The following CYP26B1 variants were observed in gnomAD, a reference collection of about 807,000 sequenced individuals.
CYP26B1 encodes the protein cytochrome P450 26B1.
CYP26B1 carries 8 observed loss-of-function variants against 39.1 expected under a neutral mutation model. The observed-to-expected ratio is 0.20, with a 90% CI of 0.12 to 0.37. The LOEUF (loss-of-function observed/expected upper bound fraction) is 0.37. Ranked by LOEUF, CYP26B1 falls within the 10% of genes least tolerant of loss-of-function variation. CYP26B1 has a pLI of 1.00. For synonymous variants in CYP26B1, 321 were observed against 314.3 expected, an observed-to-expected ratio of 1.02 and a Z score of -0.23; for missense variants, 615 against 707.0, an observed-to-expected ratio of 0.87 and a Z score of 1.48.
At chr2:72,144,855 G>C (rs1007492555) in intron 1 of CYP26B1, among the ~76,000 whole-genome samples, 2 of 152,326 alleles carry the variant, frequency 1.3e-5, no homozygotes, top group Admixed American at 6.5e-5. Flanking sequence ...TGGAACCCGA[G>C]CGCGGGGCGG....
chr2:72,144,403 TAATA>T, intron 1 of CYP26B1, 190 bp from the exon 2 acceptor site: 1 of 1,396,898 alleles, frequency 7.2e-7, no homozygotes, highest in East Asian at 2.6e-5. Context: ...GCCTAGAGGA[TAATA>T]AATAATGCAA....
At position 72,147,735 on chromosome 2, in the gene CYP26B1, G is replaced by C. The variant is rs1677161485; in HGVS notation, c.100C>G (p.Gln34Glu). 1 of 1,593,346 alleles carries C rather than the reference G, an allele frequency of 6.3e-7. No individual in the cohort carries two copies. Among genetic ancestry groups the C allele is most frequent in the African/African-American group, 1.3e-5 (1 of 74,186 alleles). Residue 34 changes from glutamine to glutamate, a missense_variant, in exon 1 of 6, where the codon CAG becomes GAG. Coordinates refer to ENST00000001146, the MANE Select transcript of CYP26B1 (RefSeq NM_019885.4). This position sits in a 1 kb window ranked among gnomAD's most constrained non-coding sequence, Gnocchi z 6.1. ...TCGCGAGTGGCGGCCCAGCGCAGCT[G>C]CCACAGCTGCTGCGACACGGCCAGC... ...LLLAVSQQLW[Q>E]LRWAATRDKS...
rs753520747 is a variant in CYP26B1, at chr2:72,132,145, G to A, written c.*82C>T. ...GGGGGCCACTCGCCCTCCCCGTTCC[G>A]GCCCCCTCCCACACACAGGTTTCTA... On this transcript the variant is annotated 3_prime_UTR_variant, in exon 6 of 6. Transcript: ENST00000001146. 35 of 1,487,776 alleles carry A rather than the reference G, an allele frequency of 2.4e-5. No individual in the cohort carries two copies. Among genetic ancestry groups the A allele is most frequent in the East Asian group, 4.9e-5 (2 of 40,784 alleles). The allele number at this position is 1,487,776 out of a possible 1,614,324, so 92.2% of individuals were successfully genotyped here.
intron 2 of CYP26B1, among the ~76,000 whole-genome samples, chr2:72,140,852 A>C (rs946214392): frequency 6.6e-6 from 1 of 152,178 alleles, no homozygotes; most frequent in African/African-American, 2.4e-5. Context: ...AGAAGGGGCA[A>C]GACTACCATT....
chr2:72,132,026 A>C lies in CYP26B1; in HGVS notation c.*201T>G. On this transcript the variant is annotated 3_prime_UTR_variant, in exon 6 of 6. Coordinates refer to ENST00000001146, the MANE Select transcript of CYP26B1 (RefSeq NM_019885.4). Reference sequence around the variant, plus strand: ...GGTAAATGGGGAGTGGCTGGAGGGAAGCTGGAGCCAGAAGGGGAGCCCAGC... The same window carrying C: ...GGTAAATGGGGAGTGGCTGGAGGGACGCTGGAGCCAGAAGGGGAGCCCAGC... 4.8e-6 allele frequency: 3 copies of C among 618,602 alleles called. No homozygotes were observed. Among genetic ancestry groups the C allele is most frequent in the Non-Finnish European group, 8.4e-6 (3 of 355,262 alleles). The allele number at this position is 618,602 out of a possible 1,614,324, so 38.3% of individuals were successfully genotyped here. A position where few individuals can be genotyped will look rare whatever the true frequency, so the allele number is the denominator to read the frequency against.
intron 2 of CYP26B1, among the ~76,000 whole-genome samples, chr2:72,140,973 G>A (rs73942521): frequency 0.02 from 2,988 of 152,274 alleles, 107 homozygotes; most frequent in African/African-American, 0.068. Context: ...TGGCCTCTTG[G>A]TGCACTGAGG....
At position 72,144,003 on chromosome 2, in the gene CYP26B1, G is replaced by A. The variant is rs1677040077; in HGVS notation, c.415C>T (p.Arg139Cys). The A allele has an allele frequency of 1.2e-6, 2 of 1,613,580 alleles. No homozygotes were observed. The highest frequency in any genetic ancestry group is 4.5e-5 in the East Asian group (2 of 44,886). Residue 139 changes from arginine (R) to cysteine (C), a missense_variant, in exon 2 of 6, where the codon CGC becomes TGC. By Grantham distance (180) the Arg-to-Cys change is radical. Transcript: ENST00000001146. Reference protein sequence around the residue: ...TVSNSIGDIHRNKRKVFSKIF... With the variant: ...TVSNSIGDIHCNKRKVFSKIF... ...AGAGTTCTTACCTTGCGCTTGTTGC[G>A]GTGGATGTCGCCAATGGAATTGGAC...
intron 1 of CYP26B1, among the ~76,000 whole-genome samples, chr2:72,145,110 G>A (rs1287978801): frequency 6.6e-6 from 1 of 152,150 alleles, no homozygotes; most frequent in Non-Finnish European, 1.5e-5. Context: ...AGCACCCGGC[G>A]CAAAGGGGAG....
Position 72,144,230 on chromosome 2 carries a change from C to T in CYP26B1, c.205-17G>A, listed in dbSNP as rs372196162. ...GCCAGAACCCTGCGGGAGCCACACC[C>T]GGGTCTCTCTCAGGGTGCACTTCTG... On this transcript the variant is annotated splice_polypyrimidine_tract_variant and intron_variant, in intron 1 of 5. Coordinates refer to ENST00000001146, the MANE Select transcript of CYP26B1 (RefSeq NM_019885.4). 1.7e-5 allele frequency: 27 copies of T among 1,576,480 alleles called. No homozygotes were observed. The highest frequency in any genetic ancestry group is 2.7e-5 in the African/African-American group (2 of 74,468).
In CYP26B1 at chr2:72,129,793, ATAAG is replaced by A. The variant is rs960034631; in HGVS notation, c.*2430_*2433del. The A allele has an allele frequency of 1.3e-5, 2 of 152,378 alleles. No homozygotes were observed. The highest frequency in any genetic ancestry group is 2.1e-4 in the South Asian group (1 of 4,832). 9.4% of individuals were successfully genotyped at this position (152,378 alleles called of 1,614,324 possible). ...GGTCAAGTTGCAATAGTTAGGGATGATAAGTAAGAAACATCACCCATCTAATGCT... is the reference window on the plus strand; with the variant it reads ...GGTCAAGTTGCAATAGTTAGGGATGATAAGAAACATCACCCATCTAATGCT... On this transcript the variant is annotated 3_prime_UTR_variant, in exon 6 of 6. Coordinates refer to ENST00000001146, the MANE Select transcript of CYP26B1 (RefSeq NM_019885.4).
chr2:72,136,341 C>T (rs950112540), intron 2 of CYP26B1, among the ~76,000 whole-genome samples: 11 of 152,196 alleles, frequency 7.2e-5, no homozygotes, highest in African/African-American at 2.7e-4. Flanking sequence ...CCCTCCCCTA[C>T]TGCCCCCCCA....
chr2:72,137,403 G>C (rs374682499), intron 2 of CYP26B1, among the ~76,000 whole-genome samples: 1 of 152,212 alleles, frequency 6.6e-6, no homozygotes, highest in East Asian at 1.9e-4. Flanking sequence ...AATCCACTGA[G>C]CACCTAAACA....
At position 72,134,875 on chromosome 2, in the gene CYP26B1, C is replaced by T; in HGVS notation, c.747G>A (p.Lys249=). ...TGCACTGCAGCTTCTCCCGGATGGC[C>T]TTCTCCAGCCCCTTCTGCAGGATCT... ...ARQILQKGLE[K]AIREKLQCTQ... The change falls in exon 4 of 6, where the codon AAG becomes AAA. Residue 249 remains lysine (K), a synonymous_variant. Coordinates refer to ENST00000001146, the MANE Select transcript of CYP26B1 (RefSeq NM_019885.4). 4 of 1,614,176 alleles carry T rather than the reference C, an allele frequency of 2.5e-6. No homozygotes were observed. Among genetic ancestry groups the T allele is most frequent in the Non-Finnish European group, 3.4e-6 (4 of 1,180,038 alleles).
intron 2 of CYP26B1, among the ~76,000 whole-genome samples, chr2:72,137,099 T>C (rs919424840): frequency 6.6e-6 from 1 of 152,124 alleles, no homozygotes; most frequent in African/African-American, 2.4e-5. Context: ...CAGGACCTAC[T>C]AGGGGTTCTG....
chr2:72,136,777 G>A (rs936656060), intron 2 of CYP26B1, among the ~76,000 whole-genome samples: 1 of 152,214 alleles, frequency 6.6e-6, no homozygotes, highest in Non-Finnish European at 1.5e-5. Context: ...GGCAATGCTT[G>A]TTTGCTTCAA....
rs1438917106 is a variant in CYP26B1 at position 72,147,064 on chromosome 2, T to A, written c.204+567A>T. Among the ~76,000 whole-genome samples the A allele has an allele frequency of 6.6e-6, 1 of 152,136 alleles. No homozygotes were observed. The highest frequency in any genetic ancestry group is 1.5e-5 in the Non-Finnish European group (1 of 68,022). The stretch of plus-strand genomic sequence containing the variant: ...TTTCCTTGGGTTACCTTCTTCCTCT[T>A]CCACCACAAAACAGACACACTCGCG... On this transcript the variant is annotated intron_variant, in intron 1 of 5. Coordinates refer to ENST00000001146, the MANE Select transcript of CYP26B1 (RefSeq NM_019885.4). This position sits in a 1 kb window ranked among gnomAD's most constrained non-coding sequence, Gnocchi z 6.1.
At position 72,131,977 on chromosome 2, in the gene CYP26B1, G is replaced by A. The variant is rs1254875090; in HGVS notation, c.*250C>T. ...CACGGGCATGCAGAGCCCCTGCCACGCCCTTCCCAGGGGCTGAGCTGATGG... is the reference window on the plus strand; with the variant it reads ...CACGGGCATGCAGAGCCCCTGCCACACCCTTCCCAGGGGCTGAGCTGATGG... On this transcript the variant is annotated 3_prime_UTR_variant, in exon 6 of 6. Coordinates refer to ENST00000001146, the MANE Select transcript of CYP26B1 (RefSeq NM_019885.4). 1.4e-5 allele frequency: 8 copies of A among 572,652 alleles called. No homozygotes were observed. The highest frequency in any genetic ancestry group is 3.7e-5 in the African/African-American group (2 of 53,382). The allele number at this position is 572,652 out of a possible 1,614,324, so 35.5% of individuals were successfully genotyped here. A position where few individuals can be genotyped will look rare whatever the true frequency, so the allele number is the denominator to read the frequency against.
rs774836618 is a variant in CYP26B1 at position 72,132,360 on chromosome 2, C to T, written c.1406G>A (p.Arg469Gln). Reference protein sequence around the residue: ...ASTSRFELATRTFPRITLVPV... With the variant: ...ASTSRFELATQTFPRITLVPV... ...GACCAAGGTGATGCGGGGGAAGGTCCGTGTGGCCAGCTCAAAGCGGCTGGT... is the reference window on the plus strand; with the variant it reads ...GACCAAGGTGATGCGGGGGAAGGTCTGTGTGGCCAGCTCAAAGCGGCTGGT... The change falls in exon 6 of 6, where the codon CGG (arginine) becomes CAG (glutamine). Residue 469 changes from arginine to glutamine, a missense_variant. Physicochemically the swap from Arg to Gln is conservative, Grantham distance 43 (BLOSUM62 1). Transcript: ENST00000001146. The T allele has an allele frequency of 1.2e-5, 20 of 1,611,362 alleles. 1 individual carries two copies. The highest frequency in any genetic ancestry group is 1.2e-4 in the South Asian group (11 of 90,846).
Position 72,132,478 on chromosome 2 carries a change from G to A in CYP26B1, c.1288C>T (p.His430Tyr), listed in dbSNP as rs766677136. 5 of 1,613,216 alleles carry A rather than the reference G, an allele frequency of 3.1e-6. No individual in the cohort carries two copies. In the East Asian group the frequency reaches 1.1e-4, roughly 36 times the overall value. Residue 430 changes from histidine (H) to tyrosine (Y), a missense_variant, in exon 6 of 6, where the codon CAT becomes TAT. By Grantham distance (83) the His-to-Tyr change is moderately conservative. Coordinates refer to ENST00000001146, the MANE Select transcript of CYP26B1 (RefSeq NM_019885.4). ...ARSEDKDGRF[H>Y]YLPFGGGVRT... ...ACACCGCCACCGAACGGGAGGTAAT[G>A]GAAGCGGCCATCCTTGTCCTCGCTC...
Sources: gnomAD v4.1 joint callset for allele counts (sites outside exome capture counted in the v4.1 genomes callset) on GRCh38, gnomAD v4.1.1 for gene constraint, Gnocchi (gnomAD v3.1) non-coding constraint, MANE v1.5 for transcripts, NCBI Gene and HGNC (gene_info 2026-07-23, HGNC 2026-07-21) for gene names.